The following PDE8B variants were observed in gnomAD, a reference collection of about 807,000 sequenced individuals.
PDE8B encodes high affinity cAMP-specific and IBMX-insensitive 3',5'-cyclic phosphodiesterase 8B.
In PDE8B, 26 loss-of-function variants were observed where a neutral mutation model predicts 101.3. The observed-to-expected ratio is 0.26, with a 90% CI of 0.19 to 0.36. PDE8B has a LOEUF of 0.36. Ranked by LOEUF, PDE8B falls within the 10% of genes least tolerant of loss-of-function variation. The probability of loss-of-function intolerance (pLI) is 1.00; values close to 1 mark genes in which losing one functional copy is unlikely to be tolerated. For missense variants in PDE8B, 810 were observed against 1,163.1 expected, an observed-to-expected ratio of 0.70 and a Z score of 4.42; for synonymous variants, 424 against 429.3, an observed-to-expected ratio of 0.99 and a Z score of 0.15.
At chr5:77,363,484 T>C (rs1415158516) in intron 10 of PDE8B, among the ~76,000 whole-genome samples, 4 of 151,724 alleles carry the variant, frequency 2.6e-5, no homozygotes, top group Non-Finnish European at 4.4e-5. Flanking sequence ...GAGGCCGAGG[T>C]GGGCGGATCA....
chr5:77,198,568 G>C, the PDE8B span, among the ~76,000 whole-genome samples: 1 of 152,122 alleles, frequency 6.6e-6, no homozygotes, highest in Non-Finnish European at 1.5e-5. Context: ...CATTGAATTT[G>C]CCTCCACGGT....
At chr5:77,252,974 T>C (rs1479563) in intron 1 of PDE8B, among the ~76,000 whole-genome samples, 95,448 of 151,980 alleles carry the variant, frequency 0.63, 30,633 homozygotes, top group East Asian at 0.95. Flanking sequence ...AGCAAAGCAT[T>C]GTACTTTCAG....
upstream of PDE8B, among the ~76,000 whole-genome samples, chr5:77,209,578 C>T (rs1747828614): frequency 1.3e-5 from 2 of 152,078 alleles, no homozygotes; most frequent in South Asian, 4.1e-4. Context: ...GCAGCTGTAA[C>T]TCAGAGTTTA....
intron 1 of PDE8B, among the ~76,000 whole-genome samples, chr5:77,288,546 C>T (rs969281763): frequency 2.0e-5 from 3 of 152,066 alleles, no homozygotes; most frequent in African/African-American, 7.2e-5. Flanking sequence ...ATAAATTGTC[C>T]AGGGTCATAC....
chr5:77,175,973 A>G, the PDE8B span, among the ~76,000 whole-genome samples: 2 of 152,218 alleles, frequency 1.3e-5, 1 homozygote, highest in South Asian at 4.1e-4. Flanking sequence ...GGTGCATCCC[A>G]TTTGTTTTAA....
At chr5:77,395,404 C>T (rs935000066) in intron 10 of PDE8B, among the ~76,000 whole-genome samples, 1 of 150,872 alleles carries the variant, frequency 6.6e-6, no homozygotes, top group Admixed American at 6.6e-5. Context: ...CGTGAGCCAC[C>T]GCGCCCGACC....
chr5:77,301,457 G>A (rs1365302846), intron 1 of PDE8B, among the ~76,000 whole-genome samples: 1 of 152,188 alleles, frequency 6.6e-6, no homozygotes, highest in African/African-American at 2.4e-5. Flanking sequence ...TTCAGGAGAA[G>A]GGAAGGCATC....
intron 1 of PDE8B, among the ~76,000 whole-genome samples, chr5:77,250,430 G>A (rs1757846993): frequency 6.6e-6 from 1 of 152,122 alleles, no homozygotes; most frequent in Admixed American, 6.6e-5. Flanking sequence ...GGTATATGAG[G>A]ACAAGGGACC....
chr5:77,238,461 C>T (rs2149527184), intron 1 of PDE8B, among the ~76,000 whole-genome samples: 1 of 152,056 alleles, frequency 6.6e-6, no homozygotes, highest in Non-Finnish European at 1.5e-5. Context: ...TAAATCTTTC[C>T]AGTTGGTTCA....
chr5:77,263,988 C>G (rs865855704), intron 1 of PDE8B, among the ~76,000 whole-genome samples: 4 of 152,190 alleles, frequency 2.6e-5, no homozygotes, highest in South Asian at 2.1e-4. Context: ...CTTTCTATCT[C>G]TATAATTTGC....
At chr5:77,225,853 C>A (rs986497414) in intron 1 of PDE8B, among the ~76,000 whole-genome samples, 1 of 87,212 alleles carries the variant, frequency 1.1e-5, no homozygotes, top group African/African-American at 4.7e-5. Context: ...CGCGTGCACA[C>A]ACACACACAC....
intron 1 of PDE8B, among the ~76,000 whole-genome samples, chr5:77,231,588 C>T (rs978901180): frequency 1.3e-5 from 2 of 152,140 alleles, no homozygotes; most frequent in South Asian, 2.1e-4. Flanking sequence ...GGTTTTGCTA[C>T]GTGTTAATTC....
At chr5:77,169,432 A>T in the PDE8B span, among the ~76,000 whole-genome samples, 1 of 152,140 alleles carries the variant, frequency 6.6e-6, no homozygotes, top group Non-Finnish European at 1.5e-5. Flanking sequence ...TCTGAGGTGG[A>T]CCCCAAGAAT....
intron 1 of PDE8B, among the ~76,000 whole-genome samples, chr5:77,268,851 TTTTC>T (rs1248799455): frequency 2.7e-5 from 4 of 150,212 alleles, no homozygotes; most frequent in Non-Finnish European, 6.0e-5. Context: ...TGTGGTAACA[TTTTC>T]TTTATCCAAT....
Position 77,331,250 on chromosome 5 carries a change from C to G in PDE8B, c.651-152C>G, listed in dbSNP as rs540413941. The stretch of plus-strand genomic sequence containing the variant: ...GGAAGGTAGATGTGGGGTCTGTATC[C>G]TTGAAGGCAGGTGTGCCCCGTGGGC... On this transcript the variant is annotated intron_variant, in intron 4 of 21. Coordinates refer to ENST00000264917, the MANE Select transcript of PDE8B (RefSeq NM_003719.5). 3.9e-6 allele frequency: 3 copies of G among 760,266 alleles called. No individual in the cohort carries two copies. The South Asian group carries it at 4.1e-5, about 10-fold the overall frequency. 47.1% of individuals were successfully genotyped at this position (760,266 alleles called of 1,614,324 possible). A position where few individuals can be genotyped will look rare whatever the true frequency, so the allele number is the denominator to read the frequency against.
rs890613898 is a variant in PDE8B at position 77,427,115 on chromosome 5, C to T, written c.*561C>T. 1.3e-5 allele frequency: 2 copies of T among 159,666 alleles called. No homozygotes were observed. Among genetic ancestry groups the T allele is most frequent in the Admixed American group, 6.0e-5 (1 of 16,766 alleles). The allele number at this position is 159,666 out of a possible 1,614,324, so 9.9% of individuals were successfully genotyped here. A position where few individuals can be genotyped will look rare whatever the true frequency, so the allele number is the denominator to read the frequency against. On this transcript the variant is annotated 3_prime_UTR_variant, in exon 22 of 22. Coordinates refer to ENST00000264917, the MANE Select transcript of PDE8B (RefSeq NM_003719.5). ...GATAAACTAGTTAGCTTCACAGCCT[C>T]TATGGCTACATGGTTCTTCTGGCCG...
chr5:77,378,253 G>A (rs1316032349), intron 10 of PDE8B, among the ~76,000 whole-genome samples: 1 of 151,958 alleles, frequency 6.6e-6, no homozygotes, highest in Non-Finnish European at 1.5e-5. Flanking sequence ...GAGCTCAAGA[G>A]ATCGAGACCA....
At chr5:77,261,565 C>T (rs555525768) in intron 1 of PDE8B, among the ~76,000 whole-genome samples, 3 of 152,220 alleles carry the variant, frequency 2.0e-5, no homozygotes, top group Admixed American at 6.5e-5. Flanking sequence ...ACCAGACTGT[C>T]AGTCTTCTCC....
intron 10 of PDE8B, among the ~76,000 whole-genome samples, chr5:77,388,998 C>T (rs527860724): frequency 6.6e-6 from 1 of 152,324 alleles, no homozygotes; most frequent in African/African-American, 2.4e-5. Flanking sequence ...TGGATCTGAG[C>T]TTTCTGGGCT....
Sources: gnomAD v4.1 joint callset for allele counts (sites outside exome capture counted in the v4.1 genomes callset) on GRCh38, gnomAD v4.1.1 for gene constraint, MANE v1.5 for transcripts, NCBI Gene and HGNC (gene_info 2026-07-23, HGNC 2026-07-21) for gene names.